The following GLI1 variants were observed in gnomAD, a reference collection of about 807,000 sequenced individuals.
GLI1 encodes GLI family zinc finger 1, also known as transcription activator GLI1.
Under a neutral mutation model 87.8 loss-of-function variants are expected in GLI1, and 51 were observed. The observed-to-expected ratio is 0.58, with a 90% CI of 0.46 to 0.73. The LOEUF is 0.73. GLI1 is among the 30% of genes least tolerant of loss of function. The pLI is 0.00. For synonymous variants in GLI1, 528 were observed against 558.2 expected (o/e 0.95, Z 0.76); for missense variants, 1,292 against 1,437.2 (o/e 0.90, Z 1.63).
rs1871784211 is a variant in GLI1 at position 57,470,306 on chromosome 12, A to G, written c.1577-11A>G. On this transcript the variant is annotated splice_polypyrimidine_tract_variant and intron_variant, in intron 11 of 11. Transcript: ENST00000228682. ...CTTGACCATCCTACCTTTTCTCCCC[A>G]TCACTTGCAGGTACCACTGTGTCCC... 1.3e-6 allele frequency: 2 copies of G among 1,532,468 alleles called. No homozygotes were observed. Among genetic ancestry groups the G allele is most frequent in the African/African-American group, 1.4e-5 (1 of 72,352 alleles). The allele number at this position is 1,532,468 out of a possible 1,614,324, so 94.9% of individuals were successfully genotyped here. A position where few individuals can be genotyped will look rare whatever the true frequency, so the allele number is the denominator to read the frequency against.
intron 10 of GLI1, among the ~76,000 whole-genome samples, 176 bp downstream of exon 10, chr12:57,468,400 A>C (rs1001955078): frequency 2.0e-4 from 31 of 152,020 alleles, no homozygotes; most frequent in African/African-American, 7.2e-4. Flanking sequence ...AGGTTTTAGA[A>C]TCTTTCTGTC....
chr12:57,472,148 C>A lies in GLI1; in HGVS notation c.*87C>A. 1.2e-6 allele frequency: 1 copy of A among 840,876 alleles called. No individual in the cohort carries two copies. The highest frequency in any genetic ancestry group is 1.8e-6 in the Non-Finnish European group (1 of 561,454). The allele number at this position is 840,876 out of a possible 1,614,324, so 52.1% of individuals were successfully genotyped here. A position where few individuals can be genotyped will look rare whatever the true frequency, so the allele number is the denominator to read the frequency against. On this transcript the variant is annotated 3_prime_UTR_variant, in exon 12 of 12. Coordinates refer to ENST00000228682, the MANE Select transcript of GLI1 (RefSeq NM_005269.3). ...AAATTGGGGGAGCTGCAGTCCCATG[C>A]ACAAGATGCCCCAGGGATGGGAGGT...
chr12:57,463,908 G>A, intron 2 of GLI1, 91 bp from the exon 3 acceptor site: 1 of 1,069,740 alleles, frequency 9.3e-7, no homozygotes, highest in Non-Finnish European at 1.4e-6. Flanking sequence ...CATGTCATAT[G>A]GACCTGGAAT....
intron 10 of GLI1, 58 bp downstream of exon 10, chr12:57,468,282 T>C: frequency 9.0e-7 from 1 of 1,107,340 alleles, no homozygotes; most frequent in East Asian, 2.4e-5. Flanking sequence ...TGGACATCTT[T>C]CTAGTTACTT....
At chr12:57,467,291 CTCTG>C (rs1871553887) in intron 8 of GLI1, 38 bp from the exon 9 acceptor site, 4 of 1,521,930 alleles carry the variant, frequency 2.6e-6, no homozygotes, top group Admixed American at 3.7e-5. Context: ...TCTCCATGTC[CTCTG>C]TCTGAGAACT....
Position 57,469,684 on chromosome 12 carries a change from G to A in GLI1, c.1562G>A (p.Ser521Asn), listed in dbSNP as rs990717142. 4 of 1,613,546 alleles carry A rather than the reference G, an allele frequency of 2.5e-6. No individual in the cohort carries two copies. The highest frequency in any genetic ancestry group is 2.5e-6 in the Non-Finnish European group (3 of 1,179,998). ...PIGTRGLKLP[S>N]LSHTGTTVSR... ...GGGACCCGGGGTCTCAAACTGCCCA[G>A]CTTGTCCCACACCGGTGAGACCTGG... is the stretch of plus-strand genomic sequence containing the variant. Residue 521 changes from serine to asparagine, a missense_variant, in exon 11 of 12, where the codon AGC becomes AAC. By Grantham distance (46) the Ser-to-Asn change is conservative (BLOSUM62 1). Transcript: ENST00000228682.
rs752987640 is a variant in GLI1, at chr12:57,470,316, G to A, written c.1577-1G>A. 6.5e-7 allele frequency: 1 copy of A among 1,541,558 alleles called. No individual in the cohort carries two copies. The highest frequency in any genetic ancestry group is 8.7e-7 in the Non-Finnish European group (1 of 1,143,534). On this transcript the variant is annotated splice_acceptor_variant, in intron 11 of 11. Transcript: ENST00000228682. LOFTEE classifies it high-confidence loss of function. ...CTACCTTTTCTCCCCATCACTTGCA[G>A]GTACCACTGTGTCCCGCCGCGTGGG...
In GLI1 at chr12:57,459,961, G is replaced by A. The variant is rs1462584664; in HGVS notation, c.-268G>A. Among the ~76,000 whole-genome samples the A allele has an allele frequency of 6.6e-6, 1 of 152,040 alleles. No homozygotes were observed. The highest frequency in any genetic ancestry group is 2.1e-4 in the South Asian group (1 of 4,818). Reference sequence around the variant, plus strand: ...GCGGGAAGAGCGGCGGCGCGCCAGCGGCTGGAGAGAGAAAAAGTTTTTGCA... The same window carrying A: ...GCGGGAAGAGCGGCGGCGCGCCAGCAGCTGGAGAGAGAAAAAGTTTTTGCA... On this transcript the variant is annotated 5_prime_UTR_variant, in exon 1 of 12. Transcript: ENST00000228682.
rs1871848803 is a variant in GLI1, at chr12:57,470,775, T to G, written c.2035T>G (p.Tyr679Asp). The G allele has an allele frequency of 6.2e-7, 1 of 1,613,208 alleles. No homozygotes were observed. Among genetic ancestry groups the G allele is most frequent in the Non-Finnish European group, 8.5e-7 (1 of 1,179,686 alleles). ...VAGGGQNFDP[Y>D]LPTSVYSPQP... Reference sequence around the variant, plus strand: ...AGGGGGAGGACAGAACTTTGATCCTTACCTCCCAACCTCTGTCTACTCACC... The same window carrying G: ...AGGGGGAGGACAGAACTTTGATCCTGACCTCCCAACCTCTGTCTACTCACC... The change falls in exon 12 of 12, where the codon TAC (tyrosine) becomes GAC (aspartate). Residue 679 changes from tyrosine to aspartate, a missense_variant. Tyr to Asp is a radical substitution (Grantham distance 160). Transcript: ENST00000228682.
intron 4 of GLI1, 83 bp downstream of exon 4, chr12:57,464,951 C>A: frequency 8.0e-7 from 1 of 1,255,790 alleles, no homozygotes; most frequent in South Asian, 1.2e-5. Context: ...CTACCTAACC[C>A]TATTTGAATC....
At chr12:57,460,893 C>A (rs968897576) in intron 1 of GLI1, among the ~76,000 whole-genome samples, 1 of 152,084 alleles carries the variant, frequency 6.6e-6, no homozygotes, top group African/African-American at 2.4e-5. Flanking sequence ...GAGACCTTGT[C>A]TTGACCCTCT....
chr12:57,462,413 GCGCCGGCCGGCCCGGCC>G (rs529072774), intron 1 of GLI1, among the ~76,000 whole-genome samples: 20 of 150,886 alleles, frequency 1.3e-4, no homozygotes, highest in African/African-American at 4.6e-4. Flanking sequence ...ATCACCCACC[GCGCCGGCCGGCCCGGCC>G]CGCTCCCGGT....
intron 10 of GLI1, among the ~76,000 whole-genome samples, chr12:57,468,855 C>T (rs756369601): frequency 2.6e-5 from 4 of 152,078 alleles, no homozygotes; most frequent in East Asian, 1.9e-4. Flanking sequence ...CCCAGGTTCA[C>T]GCCATTCTGC....
At chr12:57,464,143 T>C in intron 3 of GLI1, 52 bp downstream of exon 3, 1 of 1,221,144 alleles carries the variant, frequency 8.2e-7, no homozygotes, top group African/African-American at 1.5e-5. Context: ...TGACTTGTTC[T>C]GAAAGAGAAA....
chr12:57,469,656 A>G lies in GLI1; in HGVS notation c.1534A>G (p.Ile512Val), dbSNP rs566564028. 5 of 1,614,024 alleles carry G rather than the reference A, an allele frequency of 3.1e-6. No individual in the cohort carries two copies. The highest frequency in any genetic ancestry group is 4.5e-5 in the East Asian group (2 of 44,888). The change falls in exon 11 of 12, where the codon ATA becomes GTA. Residue 512 changes from isoleucine (I) to valine (V), a missense_variant. By Grantham distance (29) the Ile-to-Val change is conservative. Transcript: ENST00000228682. The stretch of plus-strand genomic sequence containing the variant: ...GGACCAGCTACATCAACTCCGGCCA[A>G]TAGGGACCCGGGGTCTCAAACTGCC... ...RLDQLHQLRP[I>V]GTRGLKLPSL...
chr12:57,460,859 G>T (rs1871095048), intron 1 of GLI1, among the ~76,000 whole-genome samples: 1 of 152,128 alleles, frequency 6.6e-6, no homozygotes, highest in Non-Finnish European at 1.5e-5. Context: ...AGGGCTGTGG[G>T]CAAGGAGCTC....
At chr12:57,466,867 G>A (rs1208536384) in intron 8 of GLI1, among the ~76,000 whole-genome samples, 3 of 152,098 alleles carry the variant, frequency 2.0e-5, no homozygotes, top group African/African-American at 4.8e-5. Context: ...TGGCGCCACT[G>A]CACTCCAGCC....
At position 57,469,459 on chromosome 12, in the gene GLI1, C is replaced by G. The variant is rs1241770121; in HGVS notation, c.1337C>G (p.Ser446Ter). 1 of 1,613,886 alleles carries G rather than the reference C, an allele frequency of 6.2e-7. No individual in the cohort carries two copies. The highest frequency in any genetic ancestry group is 8.5e-7 in the Non-Finnish European group (1 of 1,180,000). The change falls in exon 11 of 12, where the codon TCA becomes TGA. Residue 446 changes from serine to a stop codon, truncating the protein, a stop_gained. Transcript: ENST00000228682. LOFTEE classifies it high-confidence loss of function. ...MKPQPSPGAQ[S>*]SCSSDHSPAG... ...CCACAGCCAAGCCCTGGGGCCCAGT[C>G]ATCCTGCAGCAGTGACCACTCCCCG...
At position 57,464,765 on chromosome 12, in the gene GLI1, C is replaced by G. The variant is rs2139852318; in HGVS notation, c.286C>G (p.Gln96Glu). ...SPLSDASLDL[Q>E]TVIRTSPSSL... Reference sequence around the variant, plus strand: ...TCTGTCGGATGCCAGCCTGGACCTGCAGACGGTTATCCGCACCTCACCCAG... The same window carrying G: ...TCTGTCGGATGCCAGCCTGGACCTGGAGACGGTTATCCGCACCTCACCCAG... Residue 96 changes from glutamine (Q) to glutamate (E), a missense_variant, in exon 4 of 12, where the codon CAG (glutamine) becomes GAG (glutamate). Coordinates refer to ENST00000228682, the MANE Select transcript of GLI1 (RefSeq NM_005269.3). 6.2e-7 allele frequency: 1 copy of G among 1,613,882 alleles called. No homozygotes were observed. Among genetic ancestry groups the G allele is most frequent in the Middle Eastern group, 1.6e-4 (1 of 6,062 alleles).
Sources: allele counts gnomAD v4.1 joint callset (sites outside exome capture counted in the v4.1 genomes callset), GRCh38; gene constraint gnomAD v4.1.1; transcripts MANE v1.5; gene names NCBI Gene and HGNC (gene_info 2026-07-23, HGNC 2026-07-21).